The following TYR variants were observed in gnomAD, a reference collection of about 807,000 sequenced individuals.
TYR encodes tyrosinase, also known as LB24-AB.
In TYR, 58 loss-of-function variants were observed where a neutral mutation model predicts 51.5. That is an observed-to-expected ratio of 1.13 (90% CI 0.91 to 1.40). The LOEUF (loss-of-function observed/expected upper bound fraction) is 1.40. TYR is among the 40% of genes most tolerant of loss of function. The probability of loss-of-function intolerance (pLI) is 0.00; values close to 1 mark genes in which losing one functional copy is unlikely to be tolerated. For missense variants in TYR, 732 were observed against 647.4 expected (o/e 1.13, Z -1.42); for synonymous variants, 263 against 235.2 (o/e 1.12, Z -1.08).
chr11:89,251,458 T>A (rs541717624), intron 3 of TYR, among the ~76,000 whole-genome samples: 8 of 151,934 alleles, frequency 5.3e-5, no homozygotes, highest in Admixed American at 3.9e-4. Flanking sequence ...CCAAGATACA[T>A]CTTGTTAAGT....
chr11:89,284,540 C>T (rs1444731220), intron 3 of TYR, among the ~76,000 whole-genome samples: 1 of 151,670 alleles, frequency 6.6e-6, no homozygotes, highest in Non-Finnish European at 1.5e-5. Flanking sequence ...TATTCACCTG[C>T]TAAGAAATTA....
At chr11:89,244,787 T>G (rs2135294285) in intron 3 of TYR, among the ~76,000 whole-genome samples, 1 of 152,380 alleles carries the variant, frequency 6.6e-6, no homozygotes, top group South Asian at 2.1e-4. Context: ...CAACTAACAT[T>G]AAGTACCCTT....
chr11:89,208,685 G>T (rs1312624333), intron 2 of TYR, among the ~76,000 whole-genome samples: 1 of 152,128 alleles, frequency 6.6e-6, no homozygotes, highest in South Asian at 2.1e-4. Flanking sequence ...CTTAAAATAT[G>T]CATCATAATT....
intron 2 of TYR, among the ~76,000 whole-genome samples, chr11:89,208,750 T>A (rs1943708432): frequency 6.6e-6 from 1 of 152,218 alleles, no homozygotes; most frequent in South Asian, 2.1e-4. Flanking sequence ...CTAAAACATA[T>A]CTAATGATCT....
chr11:89,184,633 C>T (rs1943345355), intron 1 of TYR, among the ~76,000 whole-genome samples: 1 of 152,064 alleles, frequency 6.6e-6, no homozygotes, highest in Non-Finnish European at 1.5e-5. Context: ...AGGTATAAGG[C>T]AAACTAGAAA....
At position 89,178,619 on chromosome 11, in the gene TYR, C is replaced by A; in HGVS notation, c.666C>A (p.Ile222=). The A allele has an allele frequency of 6.2e-7, 1 of 1,612,302 alleles. No homozygotes were observed. Among genetic ancestry groups the A allele is most frequent in the Non-Finnish European group, 8.5e-7 (1 of 1,178,982 alleles). The change falls in exon 1 of 5, where the codon ATC becomes ATA. Residue 222 remains isoleucine (I), a synonymous_variant. Transcript: ENST00000263321. ...RLFLLRWEQE[I]QKLTGDENFT... ...TCTTGTTGCGGTGGGAACAAGAAATCCAGAAGCTGACAGGAGATGAAAACT... is the reference window on the plus strand; with the variant it reads ...TCTTGTTGCGGTGGGAACAAGAAATACAGAAGCTGACAGGAGATGAAAACT...
chr11:89,286,648 G>A (rs1021580457), intron 4 of TYR, among the ~76,000 whole-genome samples: 1 of 151,796 alleles, frequency 6.6e-6, no homozygotes, highest in African/African-American at 2.4e-5. Flanking sequence ...ATGATTAATT[G>A]AAAAGATATG....
At chr11:89,217,227 T>C (rs562396294) in intron 2 of TYR, among the ~76,000 whole-genome samples, 1 of 152,348 alleles carries the variant, frequency 6.6e-6, no homozygotes, top group South Asian at 2.1e-4. Flanking sequence ...GAACATTTAT[T>C]ATCTAACTTA....
chr11:89,253,016 T>C (rs946410626), intron 3 of TYR, among the ~76,000 whole-genome samples: 2 of 151,770 alleles, frequency 1.3e-5, no homozygotes, highest in Admixed American at 1.3e-4. Flanking sequence ...TTTCTCTATA[T>C]TACATGACTT....
chr11:89,186,884 C>T (rs890645233), intron 1 of TYR, among the ~76,000 whole-genome samples: 5 of 152,156 alleles, frequency 3.3e-5, no homozygotes, highest in Non-Finnish European at 5.9e-5. Context: ...ACAGAGCCAT[C>T]TCTTTCTTTG....
At chr11:89,226,586 A>G (rs1392379448) in intron 2 of TYR, among the ~76,000 whole-genome samples, 2 of 152,140 alleles carry the variant, frequency 1.3e-5, no homozygotes, top group Non-Finnish European at 2.9e-5. Flanking sequence ...CACTACCCGA[A>G]GGGGCAGAAA....
intron 2 of TYR, among the ~76,000 whole-genome samples, chr11:89,209,130 TG>T (rs531570846): frequency 2.0e-5 from 3 of 152,088 alleles, no homozygotes; most frequent in Non-Finnish European, 4.4e-5. Context: ...CAAAGCAGGA[TG>T]GGGGGTCACC....
intron 3 of TYR, among the ~76,000 whole-genome samples, chr11:89,239,392 C>T (rs988178573): frequency 6.6e-5 from 10 of 151,936 alleles, no homozygotes; most frequent in African/African-American, 2.4e-4. Flanking sequence ...TTTTATATTT[C>T]TGTGGTATCT....
chr11:89,239,424 T>A (rs1944162937), intron 3 of TYR, among the ~76,000 whole-genome samples: 1 of 152,088 alleles, frequency 6.6e-6, no homozygotes, highest in Admixed American at 6.6e-5. Flanking sequence ...TCCTCTTTCA[T>A]TTCTAATTTT....
At chr11:89,229,778 AAAAC>A (rs1440734199) in intron 3 of TYR, among the ~76,000 whole-genome samples, 1 of 152,056 alleles carries the variant, frequency 6.6e-6, no homozygotes, top group African/African-American at 2.4e-5. Context: ...AGAAACTAAG[AAAAC>A]AACCCCATGT....
intron 3 of TYR, among the ~76,000 whole-genome samples, chr11:89,273,478 C>A (rs765839607): frequency 2.0e-5 from 3 of 151,730 alleles, no homozygotes; most frequent in Non-Finnish European, 4.4e-5. Context: ...AAAACAATTA[C>A]AAGAGTGACA....
At chr11:89,185,114 A>C (rs1160570423) in intron 1 of TYR, among the ~76,000 whole-genome samples, 1 of 152,156 alleles carries the variant, frequency 6.6e-6, no homozygotes, top group Non-Finnish European at 1.5e-5. Flanking sequence ...ACTGTTCACA[A>C]AATTATAAAT....
At chr11:89,217,268 T>A (rs1674290222) in intron 2 of TYR, among the ~76,000 whole-genome samples, 1 of 152,212 alleles carries the variant, frequency 6.6e-6, no homozygotes, top group Admixed American at 6.5e-5. Context: ...TAAGTAATAC[T>A]ATGCAGTGTT....
intron 4 of TYR, among the ~76,000 whole-genome samples, chr11:89,285,211 G>GA (rs941386065): frequency 3.3e-5 from 5 of 149,852 alleles, no homozygotes; most frequent in East Asian, 3.9e-4. Context: ...ATCAGAAGAA[G>GA]AAAAAAAAAG....
Sources: gnomAD v4.1 joint callset for allele counts (sites outside exome capture counted in the v4.1 genomes callset) on GRCh38, gnomAD v4.1.1 for gene constraint, MANE v1.5 for transcripts, NCBI Gene and HGNC (gene_info 2026-07-23, HGNC 2026-07-21) for gene names.